NUP98: variants seen among roughly 807,000 people sequenced by gnomAD.
NUP98 encodes nuclear pore complex protein Nup98-Nup96.
In NUP98, 26 loss-of-function variants were observed where a neutral mutation model predicts 191.9. That is an observed-to-expected ratio of 0.14 (90% CI 0.10 to 0.19). The LOEUF is 0.19. Among genes scored for constraint, NUP98 ranks in the 10% least tolerant of loss-of-function variants. The pLI, the probability that NUP98 is intolerant of heterozygous loss-of-function variation, is 1.00. For missense variants in NUP98, 1,941 were observed against 2,178.8 expected, an observed-to-expected ratio of 0.89 and a Z score of 2.17; for synonymous variants, 808 against 778.4, an observed-to-expected ratio of 1.04 and a Z score of -0.63.
Position 3,675,953 on chromosome 11 carries a change from C to A in NUP98, c.*206G>T, listed in dbSNP as rs886551377. On this transcript the variant is annotated 3_prime_UTR_variant, in exon 33 of 33. Transcript: ENST00000324932. ...TGATCTTGAGGATGGTAAACTGTCT[C>A]CTCTTCTGGGTTCCAGAAGCCCTTA... is the stretch of plus-strand genomic sequence containing the variant. The A allele has an allele frequency of 1.1e-4, 64 of 585,542 alleles. No homozygotes were observed. Among genetic ancestry groups the A allele is most frequent in the Non-Finnish European group, 1.6e-4 (53 of 329,346 alleles). The allele number at this position is 585,542 out of a possible 1,614,324, so 36.3% of individuals were successfully genotyped here. A position where few individuals can be genotyped will look rare whatever the true frequency, so the allele number is the denominator to read the frequency against.
At chr11:3,697,536 A>G (rs1237997577) in intron 25 of NUP98, among the ~76,000 whole-genome samples, 1 of 151,948 alleles carries the variant, frequency 6.6e-6, no homozygotes, top group Non-Finnish European at 1.5e-5. Context: ...ATGGCCAGGC[A>G]CGGTGGCTCA....
chr11:3,709,915 T>C (rs375726335), intron 20 of NUP98, among the ~76,000 whole-genome samples: 21 of 144,814 alleles, frequency 1.5e-4, no homozygotes, highest in African/African-American at 4.4e-4. Flanking sequence ...ATGGCACATG[T>C]ATACATATGT....
At chr11:3,708,357 AT>A (rs1464862162) in intron 20 of NUP98, among the ~76,000 whole-genome samples, 1 of 152,188 alleles carries the variant, frequency 6.6e-6, no homozygotes, top group Non-Finnish European at 1.5e-5. Context: ...AACACTGCTA[AT>A]AGCAAGAGAT....
intron 18 of NUP98, among the ~76,000 whole-genome samples, chr11:3,718,361 C>T (rs1342681266): frequency 6.6e-6 from 1 of 152,040 alleles, no homozygotes; most frequent in Non-Finnish European, 1.5e-5. Flanking sequence ...CATGGCAAAA[C>T]CCTGTCTCTA....
chr11:3,698,076 T>C (rs913660570), intron 25 of NUP98, among the ~76,000 whole-genome samples: 1 of 152,084 alleles, frequency 6.6e-6, no homozygotes, highest in African/African-American at 2.4e-5. Context: ...AAGGAAGAAA[T>C]TTACTACTAT....
chr11:3,738,869 C>T (rs1430575761), intron 12 of NUP98, among the ~76,000 whole-genome samples: 3 of 151,424 alleles, frequency 2.0e-5, no homozygotes, highest in African/African-American at 7.3e-5. Flanking sequence ...AGTAGAACCA[C>T]TGGGTGGAAA....
chr11:3,727,054 T>C (rs2079647629), intron 14 of NUP98, among the ~76,000 whole-genome samples: 2 of 152,220 alleles, frequency 1.3e-5, no homozygotes, highest in African/African-American at 4.8e-5. Context: ...TGAGCCATTG[T>C]ACTCAGTTAG....
chr11:3,780,541 CAAAAAA>C (rs142060672), intron 2 of NUP98, among the ~76,000 whole-genome samples: 59 of 74,824 alleles, frequency 7.9e-4, no homozygotes, highest in Non-Finnish European at 1.3e-3. Context: ...GACTCCATCT[CAAAAAA>C]AAAAAAAAAA....
intron 31 of NUP98, 84 bp downstream of exon 31, chr11:3,679,470 G>A: frequency 1.4e-6 from 2 of 1,448,396 alleles, no homozygotes; most frequent in African/African-American, 1.5e-5. Context: ...ATTCTCAAGT[G>A]TATACTAAGG....
At chr11:3,686,270 T>C (rs778995179) in intron 28 of NUP98, 76 bp from the exon 29 acceptor site, 42 of 1,303,012 alleles carry the variant, frequency 3.2e-5, no homozygotes, top group Admixed American at 1.6e-4. Flanking sequence ...GTTCTGCTTA[T>C]GTCTAAGACA....
At chr11:3,789,916 A>T (rs1031681325) in intron 1 of NUP98, among the ~76,000 whole-genome samples, 2 of 151,966 alleles carry the variant, frequency 1.3e-5, no homozygotes, top group African/African-American at 4.8e-5. Flanking sequence ...TCTCGAGAAG[A>T]TGGGACTACA....
chr11:3,769,639 C>A (rs910395963), intron 7 of NUP98, among the ~76,000 whole-genome samples: 12 of 147,336 alleles, frequency 8.1e-5, no homozygotes, highest in African/African-American at 3.0e-4. Context: ...TTGAAAAGTA[C>A]GTTAGGCTGG....
Position 3,712,733 on chromosome 11 carries a change from GGAAGA to G in NUP98, c.2578-10_2578-6del. 1.2e-6 allele frequency: 2 copies of G among 1,611,390 alleles called. No homozygotes were observed. The highest frequency in any genetic ancestry group is 1.7e-6 in the Non-Finnish European group (2 of 1,179,656). ...ATACTTAGAAAAATGGGAGACCTAA[GGAAGA>G]GAAGAACCCCACAAAACAACTTAAA... On this transcript the variant is annotated splice_polypyrimidine_tract_variant and splice_region_variant and intron_variant, in intron 19 of 32. Transcript: ENST00000324932.
Position 3,700,651 on chromosome 11 carries a change from T to C in NUP98, c.3701A>G (p.Asp1234Gly). The change falls in exon 24 of 33, where the codon GAT (aspartate) becomes GGT (glycine). Residue 1234 changes from aspartate to glycine, a missense_variant. Around this residue, in one of 6 missense-constraint regions of NUP98, gnomAD observed 1,030 missense variants for 1,115.8 expected, o/e 0.92. Transcript: ENST00000324932. ...LGVAVIHDYA[D>G]WVKEASGDLP... is the part of the protein sequence containing the mutation. ...GTCTCCTGATGCTTCTTTAACCCAA[T>C]CTGCATAGTCATGAATGACAGCAAC... The C allele has an allele frequency of 1.2e-6, 2 of 1,614,156 alleles. No individual in the cohort carries two copies. Among genetic ancestry groups the C allele is most frequent in the Non-Finnish European group, 1.7e-6 (2 of 1,180,004 alleles).
Position 3,768,758 on chromosome 11 carries a change from G to T in NUP98, c.785-14C>A. On this transcript the variant is annotated splice_polypyrimidine_tract_variant and intron_variant, in intron 7 of 32. Transcript: ENST00000324932. The stretch of plus-strand genomic sequence containing the variant: ...ATCCAGTTGTACCTTTTAGGAAAAA[G>T]AAAAAAAAAAGAAAAAAGAAATAAT... 1.2e-6 allele frequency: 1 copy of T among 800,490 alleles called. No homozygotes were observed. The highest frequency in any genetic ancestry group is 1.5e-6 in the Non-Finnish European group (1 of 645,984). 49.6% of individuals were successfully genotyped at this position (800,490 alleles called of 1,614,324 possible).
chr11:3,685,958 C>A lies in NUP98; in HGVS notation c.4676+15G>T, dbSNP rs375756261. 1.9e-6 allele frequency: 3 copies of A among 1,607,520 alleles called. No homozygotes were observed. The African/African-American group carries it at 4.0e-5, about 21-fold the overall frequency. ...TGCTAGATGTACCCAGTGGGTTCAA[C>A]GGCTTCTCACTCACCCTGAGTTGTC... is the stretch of plus-strand genomic sequence containing the variant. On this transcript the variant is annotated intron_variant, in intron 29 of 32. Coordinates refer to ENST00000324932, the MANE Select transcript of NUP98 (RefSeq NM_016320.5).
At chr11:3,788,752 G>C (rs896126410) in intron 1 of NUP98, among the ~76,000 whole-genome samples, 6 of 152,074 alleles carry the variant, frequency 3.9e-5, no homozygotes, top group African/African-American at 1.4e-4. Context: ...TTCAAGACCA[G>C]CCTGAGAAGC....
chr11:3,735,348 CAA>C (rs745881771), intron 12 of NUP98, 24 bp from the exon 13 acceptor site: 9 of 1,217,846 alleles, frequency 7.4e-6, no homozygotes, highest in Middle Eastern at 3.0e-4. Context: ...AAAAAGAAAA[CAA>C]AATATATATA....
chr11:3,676,485 A>T (rs2077814672), intron 32 of NUP98, 24 bp downstream of exon 32: 11 of 1,607,474 alleles, frequency 6.8e-6, no homozygotes, highest in Non-Finnish European at 9.4e-6. Flanking sequence ...GAAGGCAGAA[A>T]GAGTGAGGAG....
Sources: gnomAD v4.1 joint callset for allele counts (sites outside exome capture counted in the v4.1 genomes callset) on GRCh38, gnomAD v4.1.1 for gene constraint, gnomAD v4.1.1 regional missense constraint, MANE v1.5 for transcripts, NCBI Gene and HGNC (gene_info 2026-07-23, HGNC 2026-07-21) for gene names.